SMOC2: variants seen among roughly 807,000 people sequenced by gnomAD.
SMOC2 encodes SPARC-related modular calcium-binding protein 2.
In SMOC2, 39 loss-of-function variants were observed where a neutral mutation model predicts 61.4. That is an observed-to-expected ratio of 0.64 (90% CI 0.49 to 0.83). The LOEUF (loss-of-function observed/expected upper bound fraction) is 0.83. SMOC2 is among the 40% of genes least tolerant of loss of function. The pLI is 0.00. For missense variants in SMOC2, 556 were observed against 592.9 expected, an observed-to-expected ratio of 0.94 and a Z score of 0.65; for synonymous variants, 247 against 239.9, an observed-to-expected ratio of 1.03 and a Z score of -0.27.
chr6:168,635,421 C>A (rs1786688817), intron 9 of SMOC2, among the ~76,000 whole-genome samples: 1 of 152,162 alleles, frequency 6.6e-6, no homozygotes, highest in South Asian at 2.1e-4. Context: ...TCCCGTGGCC[C>A]CGCGTGGGGC....
At chr6:168,618,099 T>G (rs1381064171) in intron 9 of SMOC2, among the ~76,000 whole-genome samples, 2 of 152,254 alleles carry the variant, frequency 1.3e-5, no homozygotes, top group African/African-American at 4.8e-5. Flanking sequence ...GCTGCCTGCA[T>G]GGGAGTGGCC....
chr6:168,500,996 A>C (rs755868992), intron 1 of SMOC2, among the ~76,000 whole-genome samples: 3 of 152,180 alleles, frequency 2.0e-5, no homozygotes, highest in Non-Finnish European at 4.4e-5. Context: ...GAGAGGGGGA[A>C]GTTCAGCTGT....
chr6:168,547,317 C>CTTA (rs1784026839), intron 6 of SMOC2, 148 bp downstream of exon 6: 2 of 650,196 alleles, frequency 3.1e-6, no homozygotes, highest in African/African-American at 4.0e-5. Flanking sequence ...ACCACGTGAT[C>CTTA]TTACTTATAT....
chr6:168,562,815 C>T (rs973121121), intron 7 of SMOC2, among the ~76,000 whole-genome samples: 1 of 152,116 alleles, frequency 6.6e-6, no homozygotes, highest in African/African-American at 2.4e-5. Flanking sequence ...GCTGTTTTCC[C>T]GGTGATCACG....
chr6:168,481,989 T>G (rs1381301199), intron 1 of SMOC2, among the ~76,000 whole-genome samples: 1 of 150,126 alleles, frequency 6.7e-6, no homozygotes, highest in Admixed American at 6.6e-5. Context: ...AACTGAAAAA[T>G]AAGAACAAGC....
Position 168,453,807 on chromosome 6 carries a change from C to T in SMOC2, c.84+12353C>T, listed in dbSNP as rs1781519175. 6.6e-6 allele frequency among the ~76,000 whole-genome samples: 1 copy of T among 151,784 alleles called. No homozygotes were observed. ...TCTCTTGGTCTCTGTCATTCTCCATCTCTGTCCTCTATCTCTCTCCGTCTC... is the reference window on the plus strand; with the variant it reads ...TCTCTTGGTCTCTGTCATTCTCCATTTCTGTCCTCTATCTCTCTCCGTCTC... On this transcript the variant is annotated intron_variant, in intron 1 of 12. Transcript: ENST00000356284. This position sits in a 1 kb window ranked among gnomAD's most constrained non-coding sequence, Gnocchi z 4.4.
At position 168,568,496 on chromosome 6, in the gene SMOC2, A is replaced by G. The variant is rs143100848; in HGVS notation, c.637+19293A>G. ...TTAACCAGCTTCCAGAGTTTACATT[A>G]AGGTTCACTCCTGATGTTGGACATT... is the stretch of plus-strand genomic sequence containing the variant. On this transcript the variant is annotated intron_variant, in intron 7 of 12. Coordinates refer to ENST00000356284, the MANE Select transcript of SMOC2 (RefSeq NM_001166412.2). 6.2e-4 allele frequency among the ~76,000 whole-genome samples: 94 copies of G among 152,312 alleles called. 1 individual carries two copies. In the Middle Eastern group the frequency reaches 0.014, roughly 22 times the overall value.
chr6:168,465,987 C>T (rs573993602), intron 1 of SMOC2, among the ~76,000 whole-genome samples: 57 of 104,852 alleles, frequency 5.4e-4, no homozygotes, highest in African/African-American at 2.0e-3. Context: ...CTGGATGAAG[C>T]GACGTGCTGC....
chr6:168,518,497 ATG>A (rs36165545), intron 2 of SMOC2, among the ~76,000 whole-genome samples: 15 of 150,406 alleles, frequency 1.0e-4, no homozygotes, highest in African/African-American at 3.2e-4. Flanking sequence ...GTGAGTGTGC[ATG>A]TGTGAATGTG....
chr6:168,614,758 C>T (rs1442065256), intron 9 of SMOC2, among the ~76,000 whole-genome samples: 2 of 49,528 alleles, frequency 4.0e-5, no homozygotes, highest in Admixed American at 4.3e-4. Context: ...CCTCTTCACA[C>T]CTACAGCCAG....
intron 7 of SMOC2, among the ~76,000 whole-genome samples, chr6:168,558,019 A>T (rs1784287844): frequency 6.6e-6 from 1 of 152,124 alleles, no homozygotes; most frequent in African/African-American, 2.4e-5. Flanking sequence ...TCTGAGGCTG[A>T]CAGTGTGGGA....
intron 4 of SMOC2, among the ~76,000 whole-genome samples, chr6:168,533,163 A>T (rs1021541663): frequency 6.6e-6 from 1 of 151,978 alleles, no homozygotes; most frequent in African/African-American, 2.4e-5. Flanking sequence ...TGCTCTAGGA[A>T]TTTCCTCTCT....
intron 7 of SMOC2, among the ~76,000 whole-genome samples, chr6:168,560,273 G>A (rs1017388204): frequency 6.6e-6 from 1 of 152,104 alleles, no homozygotes; most frequent in African/African-American, 2.4e-5. Context: ...AATACGTCAC[G>A]TCAGGCTATT....
chr6:168,476,215 C>T (rs74677383), intron 1 of SMOC2, among the ~76,000 whole-genome samples: 2,556 of 152,086 alleles, frequency 0.017, 56 homozygotes, highest in Middle Eastern at 0.034. Context: ...ACAGATATGG[C>T]GGAAATAACT....
chr6:168,652,885 G>T (rs1562406077), intron 10 of SMOC2, 69 bp from the exon 11 acceptor site: 1 of 1,496,124 alleles, frequency 6.7e-7, no homozygotes, highest in Admixed American at 1.9e-5. Context: ...GGGTTTGAGG[G>T]AAGGACAGTG....
rs571676043 is a variant in SMOC2, at chr6:168,524,687, C to G, written c.257-1659C>G. Among the ~76,000 whole-genome samples, 4 of 152,382 alleles carry G rather than the reference C, an allele frequency of 2.6e-5. No individual in the cohort carries two copies. The South Asian group carries it at 8.3e-4, about 32-fold the overall frequency. Reference sequence around the variant, plus strand: ...CAGAAGTCCAGCAAAGCAGTGATTTCTCCTCAGCTAAAACACAGACTGCAT... The same window carrying G: ...CAGAAGTCCAGCAAAGCAGTGATTTGTCCTCAGCTAAAACACAGACTGCAT... On this transcript the variant is annotated intron_variant, in intron 2 of 12. Transcript: ENST00000356284.
intron 1 of SMOC2, among the ~76,000 whole-genome samples, chr6:168,454,047 C>T (rs1004446989): frequency 6.6e-6 from 1 of 152,160 alleles, no homozygotes; most frequent in African/African-American, 2.4e-5. Flanking sequence ...TTCTGTCCAT[C>T]TCTGTACTAT....
intron 7 of SMOC2, among the ~76,000 whole-genome samples, chr6:168,596,037 AGCGCCACGTGAACACGG>A (rs1785324676): frequency 9.5e-6 from 1 of 105,496 alleles, no homozygotes; most frequent in Non-Finnish European, 2.1e-5. Flanking sequence ...GGCATGAACA[AGCGCCACGTGAACACGG>A]CAGTGATGAG....
chr6:168,442,012 G>A (rs1781222659), intron 1 of SMOC2, among the ~76,000 whole-genome samples: 1 of 152,228 alleles, frequency 6.6e-6, no homozygotes, highest in South Asian at 2.1e-4. Context: ...CGGGCCTCTC[G>A]CCGGCTGAAG....
Sources: gnomAD v4.1 joint callset for allele counts (sites outside exome capture counted in the v4.1 genomes callset) on GRCh38, gnomAD v4.1.1 for gene constraint, Gnocchi (gnomAD v3.1) non-coding constraint, MANE v1.5 for transcripts, NCBI Gene and HGNC (gene_info 2026-07-23, HGNC 2026-07-21) for gene names.